BBS9: variants seen among roughly 807,000 people sequenced by gnomAD.
BBS9 encodes protein PTHB1.
A neutral mutation model predicts 117.7 loss-of-function variants in BBS9; 89 were observed. The ratio of observed to expected loss-of-function variants is 0.76; its 90% CI spans 0.64 to 0.90. The LOEUF (loss-of-function observed/expected upper bound fraction) is 0.90. Among genes scored for constraint, BBS9 ranks in the 40% least tolerant of loss-of-function variants. The pLI, the probability that BBS9 is intolerant of heterozygous loss-of-function variation, is 0.00. For missense variants in BBS9, 982 were observed against 1,042.2 expected (o/e 0.94, Z 0.80); for synonymous variants, 379 against 370.9 (o/e 1.02, Z -0.25).
intron 9 of BBS9, among the ~76,000 whole-genome samples, chr7:33,308,349 G>A (rs1432536020): frequency 1.3e-5 from 2 of 152,042 alleles, no homozygotes; most frequent in African/African-American, 4.8e-5. Flanking sequence ...CTGCCCAAAG[G>A]GTGTGAAAGC....
intron 9 of BBS9, among the ~76,000 whole-genome samples, chr7:33,335,535 TAGGG>T (rs988534885): frequency 1.3e-4 from 20 of 152,126 alleles, no homozygotes; most frequent in African/African-American, 4.8e-4. Context: ...ATGGCAAACT[TAGGG>T]AGGAAGCAAA....
Position 33,384,161 on chromosome 7 carries a change from GCTAA to G in BBS9, c.1962+328_1962+331del, listed in dbSNP as rs778990135. Among the ~76,000 whole-genome samples, 10 of 152,160 alleles carry G rather than the reference GCTAA, an allele frequency of 6.6e-5. 1 individual carries two copies. Among genetic ancestry groups the G allele is most frequent in the Middle Eastern group, 6.3e-3 (2 of 316 alleles). The stretch of plus-strand genomic sequence containing the variant: ...ATTTGAGCTTATCGGAGGCCATTTG[GCTAA>G]CTAATTCTAGCAGGCCATAAATGAG... On this transcript the variant is annotated intron_variant, in intron 18 of 22. Coordinates refer to ENST00000242067, the MANE Select transcript of BBS9 (RefSeq NM_198428.3).
intron 19 of BBS9, among the ~76,000 whole-genome samples, chr7:33,408,225 G>A (rs201812300): frequency 1.3e-5 from 2 of 152,102 alleles, no homozygotes; most frequent in African/African-American, 2.4e-5. Flanking sequence ...CTCCATGGGT[G>A]TAGGACCCTC....
chr7:33,215,259 G>A (rs1382845164), intron 5 of BBS9, among the ~76,000 whole-genome samples: 1 of 152,172 alleles, frequency 6.6e-6, no homozygotes, highest in Non-Finnish European at 1.5e-5. Context: ...CAAAGCTATA[G>A]TATACAAATC....
rs35333434 is a variant in BBS9 at position 33,184,097 on chromosome 7, C to CAGAGAGAG, written c.442+6523_442+6530dup. ...ACCACACCTATAAGCAGTTTGCACA[C>CAGAGAGAG]AGAGAGAGAGAGAGAGAGAGAGAGT... On this transcript the variant is annotated intron_variant, in intron 5 of 22. Coordinates refer to ENST00000242067, the MANE Select transcript of BBS9 (RefSeq NM_198428.3). Among the ~76,000 whole-genome samples the CAGAGAGAG allele has an allele frequency of 5.0e-3, 741 of 149,552 alleles. 12 individuals carry two copies. The East Asian group carries it at 0.052, about 10-fold the overall frequency.
At chr7:33,411,011 G>GTTTTTTTTTTTTTTTTTTTTTTT (rs765425062) in intron 19 of BBS9, among the ~76,000 whole-genome samples, 6 of 96,426 alleles carry the variant, frequency 6.2e-5, no homozygotes, top group African/African-American at 1.7e-4. Context: ...AAATGTTGGT[G>GTTTTTTTTTTTTTTTTTTTTTTT]TTTTTTTTTT....
chr7:33,591,591 A>G (rs1861928363), intron 21 of BBS9, among the ~76,000 whole-genome samples: 1 of 152,070 alleles, frequency 6.6e-6, no homozygotes, highest in Non-Finnish European at 1.5e-5. Flanking sequence ...TGCTTCCTTC[A>G]AGGCATACAT....
intron 9 of BBS9, among the ~76,000 whole-genome samples, chr7:33,274,661 A>G (rs2128349455): frequency 6.6e-6 from 1 of 152,296 alleles, no homozygotes; most frequent in South Asian, 2.1e-4. Context: ...TCTCAGATGT[A>G]TTCAGTTCTA....
intron 19 of BBS9, among the ~76,000 whole-genome samples, chr7:33,427,037 A>G (rs1306843720): frequency 3.9e-5 from 6 of 152,182 alleles, no homozygotes; most frequent in Non-Finnish European, 8.8e-5. Flanking sequence ...ACTGACCATT[A>G]TAAAAGATTT....
intron 18 of BBS9, among the ~76,000 whole-genome samples, chr7:33,385,202 G>C (rs1825794563): frequency 6.6e-6 from 1 of 152,012 alleles, no homozygotes; most frequent in Non-Finnish European, 1.5e-5. Context: ...TTTCTGGCTA[G>C]TAAGTAACTC....
chr7:33,589,580 T>C (rs1364337331), intron 21 of BBS9, among the ~76,000 whole-genome samples: 1 of 152,074 alleles, frequency 6.6e-6, no homozygotes, highest in East Asian at 1.9e-4. Flanking sequence ...ATGGACATGA[T>C]ATGTGAGAGG....
intron 19 of BBS9, among the ~76,000 whole-genome samples, chr7:33,477,513 A>AT (rs900789004): frequency 3.3e-5 from 5 of 152,066 alleles, no homozygotes; most frequent in Non-Finnish European, 7.4e-5. Context: ...AGAGGTTATT[A>AT]TTTTTTTTAA....
chr7:33,612,447 A>G (rs1471168608), intron 21 of BBS9, among the ~76,000 whole-genome samples: 1 of 151,952 alleles, frequency 6.6e-6, no homozygotes, highest in African/African-American at 2.4e-5. Flanking sequence ...CACATTCCCT[A>G]CTTCTAAAAC....
intron 3 of BBS9, 123 bp downstream of exon 3, chr7:33,152,974 C>A: frequency 9.0e-7 from 1 of 1,109,438 alleles, no homozygotes. Flanking sequence ...ATATTGTCAC[C>A]TAGGGGTTTC....
intron 16 of BBS9, among the ~76,000 whole-genome samples, chr7:33,367,269 TC>T (rs1318239848): frequency 6.6e-6 from 1 of 152,180 alleles, no homozygotes; most frequent in African/African-American, 2.4e-5. Context: ...TCTAGGATCA[TC>T]CAATAGTGAC....
chr7:33,475,806 G>A (rs1319900002), intron 19 of BBS9, among the ~76,000 whole-genome samples: 1 of 152,142 alleles, frequency 6.6e-6, no homozygotes, highest in Non-Finnish European at 1.5e-5. Context: ...CGAGAGGAAT[G>A]ATTGTTGGAC....
At chr7:33,161,629 T>C (rs1794862920) in intron 4 of BBS9, among the ~76,000 whole-genome samples, 1 of 152,254 alleles carries the variant, frequency 6.6e-6, no homozygotes. Context: ...CCTTTGGGTG[T>C]ATACCCAGTA....
chr7:33,596,299 C>CACACACACA (rs1491153351), intron 21 of BBS9, among the ~76,000 whole-genome samples: 1 of 143,456 alleles, frequency 7.0e-6, no homozygotes, highest in African/African-American at 2.6e-5. Context: ...CACACACACA[C>CACACACACA]TTATATATGT....
In BBS9 at chr7:33,428,649, T is replaced by A. The variant is rs182721517; in HGVS notation, c.2115+40505T>A. Among the ~76,000 whole-genome samples, 9 of 152,322 alleles carry A rather than the reference T, an allele frequency of 5.9e-5. No homozygotes were observed. The East Asian group carries it at 1.7e-3, about 29-fold the overall frequency. Reference sequence around the variant, plus strand: ...GATGGAAAATTGCAACACTATCTTGTCCTCCTGATGTCAACTGACAAAGGA... The same window carrying A: ...GATGGAAAATTGCAACACTATCTTGACCTCCTGATGTCAACTGACAAAGGA... On this transcript the variant is annotated intron_variant, in intron 19 of 22. Transcript: ENST00000242067.
Sources: allele counts gnomAD v4.1 joint callset (sites outside exome capture counted in the v4.1 genomes callset), GRCh38; gene constraint gnomAD v4.1.1; transcripts MANE v1.5; gene names NCBI Gene and HGNC (gene_info 2026-07-23, HGNC 2026-07-21).